Variants in NCKAP5 observed in about 807,000 individuals in gnomAD.
NCKAP5 encodes nck-associated protein 5.
NCKAP5 carries 92 observed loss-of-function variants against 167.0 expected under a neutral mutation model. The ratio of observed to expected loss-of-function variants is 0.55; its 90% confidence interval spans 0.47 to 0.66. NCKAP5 has a LOEUF of 0.66. Ranked by LOEUF, NCKAP5 falls within the 30% of genes least tolerant of loss-of-function variation. The probability of loss-of-function intolerance (pLI) is 0.00; values close to 1 mark genes in which losing one functional copy is unlikely to be tolerated. For missense variants in NCKAP5, 2,378 were observed against 2,315.0 expected (o/e 1.03, Z -0.56); for synonymous variants, 891 against 877.4 (o/e 1.02, Z -0.27).
intron 6 of NCKAP5, among the ~76,000 whole-genome samples, chr2:133,092,965 G>GT (rs1029685748): frequency 2.0e-5 from 3 of 152,196 alleles, no homozygotes; most frequent in African/African-American, 4.8e-5. Context: ...GTGCCAGGTG[G>GT]TTTTTTGTTT....
chr2:133,597,410 C>T, the NCKAP5 span, among the ~76,000 whole-genome samples: 3 of 152,168 alleles, frequency 2.0e-5, no homozygotes, highest in Non-Finnish European at 4.4e-5. Flanking sequence ...TGGCTCATGC[C>T]TGTAATCCCA....
intron 19 of NCKAP5, among the ~76,000 whole-genome samples, chr2:132,705,407 C>A (rs564120756): frequency 4.6e-5 from 7 of 152,276 alleles, no homozygotes; most frequent in African/African-American, 1.4e-4. Context: ...CTACCCCTAT[C>A]ATTCTACTAA....
At chr2:133,300,691 T>C (rs1443082228) in intron 4 of NCKAP5, among the ~76,000 whole-genome samples, 18 of 116,038 alleles carry the variant, frequency 1.6e-4, no homozygotes, top group African/African-American at 5.6e-4. Context: ...GGGCAAAAAC[T>C]GGAAGCATTC....
intron 2 of NCKAP5, among the ~76,000 whole-genome samples, chr2:133,518,343 G>GTTTTTTT (rs1684184045): frequency 1.5e-5 from 1 of 66,218 alleles, no homozygotes; most frequent in Non-Finnish European, 3.1e-5. Flanking sequence ...TACAGTAAAG[G>GTTTTTTT]ATTTTTTTTT....
At chr2:132,814,428 T>C (rs922419487) in intron 11 of NCKAP5, among the ~76,000 whole-genome samples, 2 of 152,338 alleles carry the variant, frequency 1.3e-5, no homozygotes, top group African/African-American at 2.4e-5. Flanking sequence ...AAGGGTAATA[T>C]GTAAAACAGA....
At chr2:133,188,290 T>C (rs551047923) in intron 5 of NCKAP5, among the ~76,000 whole-genome samples, 28 of 152,162 alleles carry the variant, frequency 1.8e-4, no homozygotes, top group African/African-American at 6.5e-4. Context: ...AAGCAAGTCC[T>C]TAGAGACCTA....
At chr2:132,921,353 A>G (rs1294605119) in intron 8 of NCKAP5, among the ~76,000 whole-genome samples, 1 of 152,104 alleles carries the variant, frequency 6.6e-6, no homozygotes, top group East Asian at 1.9e-4. Context: ...TCCCTTTTTA[A>G]CATTCCTCAA....
chr2:133,657,737 G>A, the NCKAP5 span, among the ~76,000 whole-genome samples: 2 of 152,276 alleles, frequency 1.3e-5, no homozygotes, highest in East Asian at 3.9e-4. Context: ...TATTGTGAGG[G>A]AATCACACGA....
chr2:133,149,805 T>C (rs1477753892), intron 5 of NCKAP5, among the ~76,000 whole-genome samples: 1 of 152,244 alleles, frequency 6.6e-6, no homozygotes, highest in Non-Finnish European at 1.5e-5. Context: ...TGCCCCCTAC[T>C]TAAGGGGGAC....
intron 7 of NCKAP5, among the ~76,000 whole-genome samples, chr2:132,972,046 T>C (rs1340289786): frequency 6.6e-6 from 1 of 152,132 alleles, no homozygotes; most frequent in African/African-American, 2.4e-5. Context: ...ACAAGTAAAA[T>C]GAACAGATAA....
At chr2:132,882,738 T>G (rs1691865985) in intron 8 of NCKAP5, among the ~76,000 whole-genome samples, 1 of 152,214 alleles carries the variant, frequency 6.6e-6, no homozygotes, top group Non-Finnish European at 1.5e-5. Flanking sequence ...TTAGAATACA[T>G]AAAACATTAA....
chr2:132,832,171 G>T (rs1347728618), intron 11 of NCKAP5, among the ~76,000 whole-genome samples: 1 of 152,002 alleles, frequency 6.6e-6, no homozygotes, highest in Non-Finnish European at 1.5e-5. Context: ...ATGGGATTTT[G>T]ATTTAATATT....
chr2:133,145,043 T>C (rs1169370662), intron 5 of NCKAP5, among the ~76,000 whole-genome samples: 1 of 152,142 alleles, frequency 6.6e-6, no homozygotes, highest in African/African-American at 2.4e-5. Context: ...TTTGAGAGCC[T>C]ATGAGATTTA....
At chr2:132,761,037 TCCTCTTTTTTCCC>T (rs150477177) in intron 16 of NCKAP5, among the ~76,000 whole-genome samples, 20,853 of 152,002 alleles carry the variant, frequency 0.14, 1,660 homozygotes, top group African/African-American at 0.2. Flanking sequence ...AACATTTTCC[TCCTCTTTTTTCCC>T]CCTCTTTTTT....
chr2:133,590,375 A>C, the NCKAP5 span, among the ~76,000 whole-genome samples: 1 of 150,996 alleles, frequency 6.6e-6, no homozygotes, highest in African/African-American at 2.4e-5. Flanking sequence ...AAATACAAAA[A>C]ACTAGCCAGG....
intron 16 of NCKAP5, among the ~76,000 whole-genome samples, chr2:132,747,509 C>T (rs939221796): frequency 8.8e-6 from 1 of 114,040 alleles, no homozygotes; most frequent in Non-Finnish European, 1.9e-5. Context: ...GAAGTGCCGG[C>T]CTGACTCTGA....
the NCKAP5 span, among the ~76,000 whole-genome samples, chr2:133,630,168 GA>G: frequency 1.3e-5 from 2 of 151,948 alleles, no homozygotes; most frequent in East Asian, 3.9e-4. Flanking sequence ...GTTTCAAAAA[GA>G]AAATATTTTG....
At chr2:133,133,380 T>G (rs2149807843) in intron 5 of NCKAP5, among the ~76,000 whole-genome samples, 1 of 152,334 alleles carries the variant, frequency 6.6e-6, no homozygotes, top group Admixed American at 6.5e-5. Context: ...CTTTCAATTC[T>G]TCCCATGTTC....
chr2:133,276,728 G>C (rs1363131374), intron 4 of NCKAP5, among the ~76,000 whole-genome samples: 1 of 151,888 alleles, frequency 6.6e-6, no homozygotes, highest in South Asian at 2.1e-4. Flanking sequence ...ACCTGCAAAA[G>C]TCAGTTTTAA....
Sources: gnomAD v4.1 joint callset for allele counts (sites outside exome capture counted in the v4.1 genomes callset) on GRCh38, gnomAD v4.1.1 for gene constraint, MANE v1.5 for transcripts, NCBI Gene and HGNC (gene_info 2026-07-23, HGNC 2026-07-21) for gene names.